The following MCPH1 variants were observed in gnomAD, a reference collection of about 807,000 sequenced individuals.
MCPH1 encodes microcephalin 1.
In MCPH1, 104 loss-of-function variants were observed where a neutral mutation model predicts 84.5. That is an observed-to-expected ratio of 1.23 (90% confidence interval 1.05 to 1.45). The LOEUF is 1.45. Ranked by LOEUF, MCPH1 falls within the 40% of genes most tolerant of loss-of-function variation. The pLI, the probability that MCPH1 is intolerant of heterozygous loss-of-function variation, is 0.00. For synonymous variants in MCPH1, 514 were observed against 366.8 expected, an observed-to-expected ratio of 1.40 and a Z score of -4.58; for missense variants, 1,498 against 1,005.7, an observed-to-expected ratio of 1.49 and a Z score of -6.62.
At chr8:6,592,362 G>T (rs1008159347) in intron 12 of MCPH1, among the ~76,000 whole-genome samples, 5 of 151,854 alleles carry the variant, frequency 3.3e-5, no homozygotes, top group Non-Finnish European at 7.4e-5. Context: ...GCTCAGGGAG[G>T]TCTCAAACTC....
At chr8:6,506,864 A>G (rs1813829854) in intron 12 of MCPH1, among the ~76,000 whole-genome samples, 1 of 150,360 alleles carries the variant, frequency 6.7e-6, no homozygotes, top group African/African-American at 2.5e-5. Context: ...ATTTCATATT[A>G]TTTTCATTAC....
chr8:6,464,911 A>G (rs1461694684), intron 9 of MCPH1, among the ~76,000 whole-genome samples: 4 of 152,174 alleles, frequency 2.6e-5, no homozygotes, highest in Non-Finnish European at 5.9e-5. Flanking sequence ...AGGCAGGACA[A>G]TCACTTGAAC....
At chr8:6,550,234 G>A (rs991972216) in intron 12 of MCPH1, among the ~76,000 whole-genome samples, 1 of 152,262 alleles carries the variant, frequency 6.6e-6, no homozygotes, top group African/African-American at 2.4e-5. Context: ...TGGCTGCGAA[G>A]GGTGGCGGCG....
intron 12 of MCPH1, among the ~76,000 whole-genome samples, chr8:6,598,115 A>G (rs1174706439): frequency 1.3e-5 from 2 of 152,200 alleles, no homozygotes; most frequent in Non-Finnish European, 2.9e-5. Flanking sequence ...TCCTGGACAC[A>G]GAAATTAGCT....
chr8:6,513,241 G>T (rs1317625294), intron 12 of MCPH1, among the ~76,000 whole-genome samples: 1 of 151,908 alleles, frequency 6.6e-6, no homozygotes, highest in East Asian at 1.9e-4. Flanking sequence ...ACTTAAAGAA[G>T]TAATAGTTTA....
intron 4 of MCPH1, among the ~76,000 whole-genome samples, chr8:6,435,091 T>C (rs1275342145): frequency 6.6e-6 from 1 of 152,162 alleles, no homozygotes; most frequent in Non-Finnish European, 1.5e-5. Context: ...AGCCTGGGGT[T>C]TCATGTGTTT....
intron 13 of MCPH1, chr8:6,626,151 A>G (rs145308843): frequency 0.014 from 13,636 of 985,212 alleles, 123 homozygotes; most frequent in South Asian, 0.028. Context: ...ATTTCTTTCG[A>G]CCTCAGCTCT....
intron 12 of MCPH1, among the ~76,000 whole-genome samples, chr8:6,532,108 A>G (rs1183109597): frequency 6.6e-6 from 1 of 152,198 alleles, no homozygotes; most frequent in East Asian, 1.9e-4. Flanking sequence ...TCTTCAGTAG[A>G]TAGAACACAT....
At chr8:6,579,535 A>G (rs928474297) in intron 12 of MCPH1, among the ~76,000 whole-genome samples, 5 of 152,186 alleles carry the variant, frequency 3.3e-5, no homozygotes, top group Non-Finnish European at 7.3e-5. Context: ...GTGCTTAAGC[A>G]TTTGTTTTGG....
chr8:6,506,531 G>T (rs1482491559), intron 12 of MCPH1, among the ~76,000 whole-genome samples: 1 of 152,188 alleles, frequency 6.6e-6, no homozygotes, highest in East Asian at 1.9e-4. Flanking sequence ...TTCTCAAGGA[G>T]AGAGCTGGGT....
intron 12 of MCPH1, chr8:6,616,847 C>T (rs1417385367): frequency 6.6e-6 from 1 of 152,212 alleles, no homozygotes; most frequent in Non-Finnish European, 1.5e-5. Flanking sequence ...TCCACTTAAT[C>T]CCCTCTTCTT....
intron 12 of MCPH1, among the ~76,000 whole-genome samples, chr8:6,544,590 G>A (rs867838658): frequency 2.9e-4 from 44 of 151,976 alleles, no homozygotes; most frequent in Admixed American, 1.8e-3. Flanking sequence ...ATGTATTGGA[G>A]GGGGAGAGGG....
Position 6,514,622 on chromosome 8 carries a change from A to G in MCPH1, c.2214+14693A>G, listed in dbSNP as rs898575981. On this transcript the variant is annotated intron_variant, in intron 12 of 13. Coordinates refer to ENST00000344683, the MANE Select transcript of MCPH1 (RefSeq NM_024596.5). The stretch of plus-strand genomic sequence containing the variant: ...GGTGGTTAAGGTTCCGCAGATCTTG[A>G]AAGCTATTTTTCACAAGGGAAATTC... 8.0e-6 allele frequency: 12 copies of G among 1,493,582 alleles called. No homozygotes were observed. In the Admixed American group the frequency reaches 8.4e-5, roughly 10 times the overall value. 92.5% of individuals were successfully genotyped at this position (1,493,582 alleles called of 1,614,324 possible).
chr8:6,472,747 GA>G (rs1807912777), intron 9 of MCPH1, among the ~76,000 whole-genome samples: 2 of 152,080 alleles, frequency 1.3e-5, no homozygotes, highest in Admixed American at 6.5e-5. Context: ...GAATTACAGG[GA>G]TAAGCCACCA....
intron 2 of MCPH1, among the ~76,000 whole-genome samples, chr8:6,410,125 A>G (rs1420225588): frequency 6.6e-6 from 1 of 151,828 alleles, no homozygotes; most frequent in Non-Finnish European, 1.5e-5. Context: ...ACATGCCACC[A>G]TGCCTAGCTA....
intron 12 of MCPH1, chr8:6,502,915 C>T: frequency 7.9e-6 from 5 of 633,234 alleles, no homozygotes; most frequent in South Asian, 6.6e-5. Flanking sequence ...TGCTTTGGTC[C>T]GTTAAGTGAT....
chr8:6,430,686 G>C (rs924269816), intron 3 of MCPH1, among the ~76,000 whole-genome samples: 2 of 152,196 alleles, frequency 1.3e-5, no homozygotes, highest in Non-Finnish European at 2.9e-5. Context: ...GTGAGGGATA[G>C]TTGGAGAGGT....
At chr8:6,642,319 G>T (rs558939693) in intron 13 of MCPH1, among the ~76,000 whole-genome samples, 8 of 152,260 alleles carry the variant, frequency 5.3e-5, no homozygotes, top group African/African-American at 1.9e-4. Context: ...ACTGAGGAAA[G>T]AGGGAGGGGT....
chr8:6,540,433 G>T (rs1821333247), intron 12 of MCPH1, among the ~76,000 whole-genome samples: 1 of 152,178 alleles, frequency 6.6e-6, no homozygotes, highest in Non-Finnish European at 1.5e-5. Flanking sequence ...ATATGCAAAA[G>T]GTGTCACATT....
Sources: gnomAD v4.1 joint callset for allele counts (sites outside exome capture counted in the v4.1 genomes callset) on GRCh38, gnomAD v4.1.1 for gene constraint, MANE v1.5 for transcripts, NCBI Gene and HGNC (gene_info 2026-07-23, HGNC 2026-07-21) for gene names.